ATG10: variants seen among roughly 807,000 people sequenced by gnomAD.
The protein encoded by ATG10 is ubiquitin-like-conjugating enzyme ATG10.
A neutral mutation model predicts 32.1 loss-of-function variants in ATG10; 30 were observed. The observed-to-expected ratio is 0.94, with a 90% CI of 0.70 to 1.27. The LOEUF is 1.27. Among genes scored for constraint, ATG10 ranks in the 50% most tolerant of loss-of-function variants. The pLI is 0.00. For missense variants in ATG10, 233 were observed against 262.3 expected (o/e 0.89, Z 0.77); for synonymous variants, 87 against 91.5 (o/e 0.95, Z 0.28).
chr5:82,224,482 T>C (rs1353372191), intron 5 of ATG10, among the ~76,000 whole-genome samples: 1 of 152,168 alleles, frequency 6.6e-6, no homozygotes, highest in Admixed American at 6.5e-5. Context: ...TAGTTAGAAA[T>C]AATTTTGAGC....
At chr5:82,121,472 C>T (rs1373298445) in intron 3 of ATG10, among the ~76,000 whole-genome samples, 1 of 152,146 alleles carries the variant, frequency 6.6e-6, no homozygotes, top group African/African-American at 2.4e-5. Context: ...TGCCTGATTG[C>T]TCTGGCTATG....
intron 2 of ATG10, among the ~76,000 whole-genome samples, chr5:82,018,874 T>C (rs1205834743): frequency 6.6e-6 from 1 of 152,248 alleles, no homozygotes; most frequent in Non-Finnish European, 1.5e-5. Flanking sequence ...CTGCTTTTTT[T>C]CATACTGCTA....
At chr5:82,132,249 TA>T (rs1408277209) in intron 3 of ATG10, among the ~76,000 whole-genome samples, 12 of 152,084 alleles carry the variant, frequency 7.9e-5, no homozygotes, top group African/African-American at 2.4e-4. Flanking sequence ...TTATTATTAT[TA>T]TTTTTTTTTA....
intron 5 of ATG10, among the ~76,000 whole-genome samples, chr5:82,219,934 C>T (rs941712066): frequency 6.6e-6 from 1 of 152,154 alleles, no homozygotes; most frequent in African/African-American, 2.4e-5. Flanking sequence ...CAGTCCTTGC[C>T]CTCAAAGAAC....
chr5:82,059,687 T>C (rs1763707320), intron 3 of ATG10, among the ~76,000 whole-genome samples: 6 of 152,190 alleles, frequency 3.9e-5, no homozygotes, highest in Admixed American at 3.9e-4. Flanking sequence ...AAGAACTGTT[T>C]CTCAGAACAT....
intron 5 of ATG10, among the ~76,000 whole-genome samples, chr5:82,241,105 C>T (rs1313386441): frequency 6.6e-6 from 1 of 152,118 alleles, no homozygotes; most frequent in Non-Finnish European, 1.5e-5. Flanking sequence ...TCCATAAAAC[C>T]CGAATAGACA....
At chr5:82,130,573 TCATGGCTTTC>T (rs1766478055) in intron 3 of ATG10, among the ~76,000 whole-genome samples, 1 of 152,054 alleles carries the variant, frequency 6.6e-6, no homozygotes, top group African/African-American at 2.4e-5. Context: ...GCACAGTTCC[TCATGGCTTTC>T]CTTGGCTAGG....
At chr5:82,200,864 A>ATCAT (rs1745043782) in intron 5 of ATG10, among the ~76,000 whole-genome samples, 1 of 143,154 alleles carries the variant, frequency 7.0e-6, no homozygotes, top group Non-Finnish European at 1.5e-5. Flanking sequence ...TTAAAAATAC[A>ATCAT]TTATTTATTT....
chr5:82,202,650 C>T (rs562409813), intron 5 of ATG10, among the ~76,000 whole-genome samples: 7 of 152,312 alleles, frequency 4.6e-5, no homozygotes, highest in Non-Finnish European at 8.8e-5. Flanking sequence ...ACTAGAAAGA[C>T]AGGGCTTCTC....
chr5:82,155,292 G>A (rs1440858261), intron 3 of ATG10, among the ~76,000 whole-genome samples: 2 of 151,846 alleles, frequency 1.3e-5, no homozygotes, highest in Admixed American at 1.3e-4. Flanking sequence ...TCCTAAGACA[G>A]GAAAAAAATG....
chr5:82,026,058 C>G (rs1005713288), intron 2 of ATG10, among the ~76,000 whole-genome samples: 6 of 152,162 alleles, frequency 3.9e-5, no homozygotes, highest in African/African-American at 1.2e-4. Context: ...ATTCACATTG[C>G]TATGTAACCA....
chr5:82,186,616 CAG>C (rs1744453907), intron 5 of ATG10, among the ~76,000 whole-genome samples: 1 of 126,308 alleles, frequency 7.9e-6, no homozygotes. Context: ...TTTTTTCAGA[CAG>C]AGTCTTGCTC....
intron 5 of ATG10, among the ~76,000 whole-genome samples, chr5:82,181,851 T>C (rs993071758): frequency 6.6e-5 from 10 of 152,168 alleles, no homozygotes; most frequent in African/African-American, 1.2e-4. Context: ...TCATGTCAGA[T>C]GTAAACCCCC....
At chr5:82,145,756 G>A (rs1464600269) in intron 3 of ATG10, among the ~76,000 whole-genome samples, 2 of 151,430 alleles carry the variant, frequency 1.3e-5, no homozygotes, top group Admixed American at 6.6e-5. Context: ...GCCCAAGCTG[G>A]AGTGCAGTGG....
chr5:82,236,009 A>G (rs1008902093), intron 5 of ATG10, among the ~76,000 whole-genome samples: 1 of 152,150 alleles, frequency 6.6e-6, no homozygotes, highest in Non-Finnish European at 1.5e-5. Context: ...ATGTTCTATC[A>G]AAGAATTATT....
At chr5:82,237,152 G>A (rs1746590355) in intron 5 of ATG10, among the ~76,000 whole-genome samples, 1 of 152,044 alleles carries the variant, frequency 6.6e-6, no homozygotes, top group African/African-American at 2.4e-5. Context: ...AACAAAAATA[G>A]GCAATTTTTC....
At chr5:82,027,803 G>A (rs1013944154) in intron 2 of ATG10, among the ~76,000 whole-genome samples, 13 of 152,208 alleles carry the variant, frequency 8.5e-5, no homozygotes, top group African/African-American at 3.1e-4. Context: ...AAATTTGGAT[G>A]TATGTGCTCA....
intron 2 of ATG10, among the ~76,000 whole-genome samples, chr5:82,030,167 G>C (rs948347236): frequency 2.0e-5 from 3 of 152,058 alleles, no homozygotes; most frequent in Non-Finnish European, 2.9e-5. Flanking sequence ...ACTGTGACTT[G>C]GGTGTTTCTG....
intron 3 of ATG10, among the ~76,000 whole-genome samples, chr5:82,153,447 A>G (rs1767683341): frequency 6.6e-6 from 1 of 152,202 alleles, no homozygotes; most frequent in Non-Finnish European, 1.5e-5. Context: ...GGGCTGCAGC[A>G]AGAGTTTATC....
Sources: gnomAD v4.1 joint callset for allele counts (sites outside exome capture counted in the v4.1 genomes callset) on GRCh38, gnomAD v4.1.1 for gene constraint, MANE v1.5 for transcripts, NCBI Gene and HGNC (gene_info 2026-07-23, HGNC 2026-07-21) for gene names.